Variants in FOCAD observed in about 807,000 individuals in gnomAD.
The protein encoded by FOCAD is KIAA1797.
In FOCAD, 198 loss-of-function variants were observed where a neutral mutation model predicts 225.6. The ratio of observed to expected loss-of-function variants is 0.88; its 90% CI spans 0.78 to 0.99. The LOEUF is 0.99. FOCAD is among the 50% of genes least tolerant of loss of function. FOCAD has a pLI of 0.00. For missense variants in FOCAD, 2,713 were observed against 2,123.6 expected (o/e 1.28, Z -5.46); for synonymous variants, 897 against 755.0 (o/e 1.19, Z -3.08).
chr9:20,952,616 T>A (rs1219272692), intron 34 of FOCAD: 2 of 271,002 alleles, frequency 7.4e-6, no homozygotes, highest in Admixed American at 1.1e-4. Flanking sequence ...GGTCTCAGCG[T>A]TGAAGCTCGG....
At chr9:20,928,619 C>G (rs1025396432) in intron 26 of FOCAD, among the ~76,000 whole-genome samples, 9 of 152,140 alleles carry the variant, frequency 5.9e-5, no homozygotes, top group South Asian at 2.1e-4. Context: ...TCATATTCAG[C>G]TGCTCTGTCA....
chr9:20,948,668 A>G (rs1837411899), intron 31 of FOCAD, among the ~76,000 whole-genome samples, 183 bp from the exon 32 acceptor site: 1 of 152,182 alleles, frequency 6.6e-6, no homozygotes, highest in Non-Finnish European at 1.5e-5. Flanking sequence ...CCATGATCTA[A>G]CAACCTTAAT....
intron 11 of FOCAD, among the ~76,000 whole-genome samples, chr9:20,800,786 G>C (rs1259722381): frequency 1.3e-5 from 2 of 151,932 alleles, no homozygotes; most frequent in African/African-American, 4.8e-5. Flanking sequence ...CTTTGCCATG[G>C]GTTCAGACTT....
chr9:20,873,327 T>C (rs891222215), intron 18 of FOCAD, among the ~76,000 whole-genome samples: 31 of 152,156 alleles, frequency 2.0e-4, no homozygotes, highest in African/African-American at 7.5e-4. Flanking sequence ...TAGGATTGTT[T>C]AGAATCTTTA....
intron 28 of FOCAD, among the ~76,000 whole-genome samples, chr9:20,933,337 C>CCTCA (rs1274532452): frequency 1.3e-5 from 2 of 152,080 alleles, no homozygotes; most frequent in African/African-American, 2.4e-5. Flanking sequence ...ATCTTTTGTC[C>CCTCA]CTCACCCTCT....
chr9:20,930,297 A>C (rs896773534), intron 27 of FOCAD, among the ~76,000 whole-genome samples: 2 of 152,120 alleles, frequency 1.3e-5, no homozygotes, highest in Admixed American at 6.6e-5. Context: ...TGTTGTTCAT[A>C]CTGCTTATTA....
At chr9:20,894,086 T>C (rs954877630) in intron 21 of FOCAD, among the ~76,000 whole-genome samples, 5 of 152,106 alleles carry the variant, frequency 3.3e-5, no homozygotes, top group African/African-American at 1.2e-4. Context: ...ACTGTCTCTA[T>C]AGTTTTGCCT....
chr9:20,883,714 A>G (rs2383170), intron 20 of FOCAD, among the ~76,000 whole-genome samples: 124,928 of 152,190 alleles, frequency 0.82, 51,463 homozygotes, highest in Admixed American at 0.88. Flanking sequence ...GATAATGAAG[A>G]TAAGCCATAT....
At chr9:20,877,903 C>T (rs933748427) in intron 19 of FOCAD, among the ~76,000 whole-genome samples, 1 of 151,738 alleles carries the variant, frequency 6.6e-6, no homozygotes, top group African/African-American at 2.4e-5. Flanking sequence ...GAGACTCCAT[C>T]TCAAAAAAAC....
chr9:20,783,640 G>A (rs1017908302), intron 10 of FOCAD, among the ~76,000 whole-genome samples: 1 of 151,388 alleles, frequency 6.6e-6, no homozygotes, highest in Non-Finnish European at 1.5e-5. Context: ...GAGTGCAGCG[G>A]TGTGATCTTG....
At chr9:20,900,551 G>A (rs1832470305) in intron 21 of FOCAD, among the ~76,000 whole-genome samples, 2 of 151,594 alleles carry the variant, frequency 1.3e-5, no homozygotes, top group Admixed American at 1.3e-4. Context: ...TTTTCTTTCA[G>A]TGTCATCTTT....
At chr9:20,764,756 T>G in intron 6 of FOCAD, 113 bp from the exon 7 acceptor site, 1 of 816,094 alleles carries the variant, frequency 1.2e-6, no homozygotes, top group Non-Finnish European at 2.0e-6. Flanking sequence ...GAAGTTACAC[T>G]TGATGATATG....
intron 11 of FOCAD, among the ~76,000 whole-genome samples, chr9:20,816,987 T>C (rs923841393): frequency 6.6e-6 from 1 of 152,142 alleles, no homozygotes; most frequent in African/African-American, 2.4e-5. Context: ...TTTCTGGATT[T>C]TGCTATCCAT....
chr9:20,992,069 A>G (rs764524505), intron 42 of FOCAD, among the ~76,000 whole-genome samples: 2 of 152,336 alleles, frequency 1.3e-5, no homozygotes, highest in South Asian at 2.1e-4. Context: ...TCTTTCTTCA[A>G]TCTAGCTTCT....
rs1036239850 is a variant in FOCAD, at chr9:20,695,646, G to T, written c.-33+11353G>T. Among the ~76,000 whole-genome samples the T allele has an allele frequency of 7.9e-5, 12 of 152,306 alleles. 1 individual carries two copies. The highest frequency in any genetic ancestry group is 6.5e-4 in the Admixed American group (10 of 15,298). ...AAGGAAGGCGAGGTAGGGAAGTAAG[G>T]ATTATCCACCCATCTACCTACTAAC... is the stretch of plus-strand genomic sequence containing the variant. On this transcript the variant is annotated intron_variant, in intron 1 of 43. Transcript: ENST00000338382.
At chr9:20,879,639 G>GC (rs1830506347) in intron 19 of FOCAD, among the ~76,000 whole-genome samples, 1 of 152,184 alleles carries the variant, frequency 6.6e-6, no homozygotes, top group Admixed American at 6.5e-5. Flanking sequence ...CGAATTTTCA[G>GC]CTTCTTTTTA....
chr9:20,935,764 C>G (rs182879901), intron 28 of FOCAD, among the ~76,000 whole-genome samples: 1 of 152,064 alleles, frequency 6.6e-6, no homozygotes, highest in African/African-American at 2.4e-5. Flanking sequence ...GGCCTTTGAC[C>G]GATGATTTAT....
intron 11 of FOCAD, among the ~76,000 whole-genome samples, chr9:20,795,897 T>C (rs1346165692): frequency 6.6e-6 from 1 of 151,896 alleles, no homozygotes; most frequent in Non-Finnish European, 1.5e-5. Context: ...AGGTGCCATA[T>C]TGGTGTGCTG....
At chr9:20,872,728 A>C (rs551669149) in intron 18 of FOCAD, 2 of 152,182 alleles carry the variant, frequency 1.3e-5, no homozygotes, top group South Asian at 2.1e-4. Context: ...ATATTGAAAC[A>C]ATTGTGCAAC....
Sources: allele counts gnomAD v4.1 joint callset (sites outside exome capture counted in the v4.1 genomes callset), GRCh38; gene constraint gnomAD v4.1.1; transcripts MANE v1.5; gene names NCBI Gene and HGNC (gene_info 2026-07-23, HGNC 2026-07-21).